FBXO16: variants seen among roughly 807,000 people sequenced by gnomAD.
The protein encoded by FBXO16 is F-box only protein 16.
FBXO16 carries 31 observed loss-of-function variants against 41.0 expected under a neutral mutation model. The observed-to-expected ratio is 0.76, with a 90% CI of 0.57 to 1.02. The LOEUF is 1.02. Ranked by LOEUF, FBXO16 falls within the 50% of genes least tolerant of loss-of-function variation. The pLI is 0.00. For synonymous variants in FBXO16, 133 were observed against 117.8 expected, an observed-to-expected ratio of 1.13 and a Z score of -0.84; for missense variants, 361 against 346.2, an observed-to-expected ratio of 1.04 and a Z score of -0.34.
intron 6 of FBXO16, among the ~76,000 whole-genome samples, chr8:28,449,882 G>T (rs1264542896): frequency 6.7e-6 from 1 of 149,498 alleles, no homozygotes; most frequent in Non-Finnish European, 1.5e-5. Context: ...TGAGGCAGGA[G>T]AATGGCTTGA....
rs564457153 is a variant in FBXO16 at position 28,447,235 on chromosome 8, C to T, written c.779G>A (p.Arg260Gln). The change falls in exon 7 of 9, where the codon CGA becomes CAA. Residue 260 changes from arginine to glutamine, a missense_variant. Transcript: ENST00000380254. ...KRNQMTPDFS[R>Q]QSHDKKNKLQ... ...TTTATTTTTCTTATCATGTGACTGT[C>T]GGCTGAAGTCTGGGGTCATTTGGTT... is the stretch of plus-strand genomic sequence containing the variant. 3.0e-5 allele frequency: 49 copies of T among 1,613,660 alleles called. No individual in the cohort carries two copies. The South Asian group carries it at 3.5e-4, about 12-fold the overall frequency.
chr8:28,486,535 T>C (rs1426071578), intron 1 of FBXO16, among the ~76,000 whole-genome samples: 1 of 152,120 alleles, frequency 6.6e-6, no homozygotes, highest in Non-Finnish European at 1.5e-5. Flanking sequence ...GCTACATTTC[T>C]TCTTTTAAAA....
intron 7 of FBXO16, among the ~76,000 whole-genome samples, chr8:28,432,624 T>C (rs1443642683): frequency 6.6e-6 from 1 of 152,228 alleles, no homozygotes; most frequent in Non-Finnish European, 1.5e-5. Flanking sequence ...ACGTTTGCTT[T>C]CACAAACGAC....
intron 8 of FBXO16, 21 bp downstream of exon 8, chr8:28,429,357 G>T: frequency 6.2e-7 from 1 of 1,613,496 alleles, no homozygotes; most frequent in Non-Finnish European, 8.5e-7. Flanking sequence ...GTCACAGGTT[G>T]ATATCACAAC....
chr8:28,445,851 G>A (rs1397009184), intron 7 of FBXO16, among the ~76,000 whole-genome samples: 1 of 151,776 alleles, frequency 6.6e-6, no homozygotes, highest in African/African-American at 2.4e-5. Context: ...TCCTGAGTAC[G>A]TACTTATTCC....
intron 6 of FBXO16, among the ~76,000 whole-genome samples, chr8:28,450,836 G>A (rs981123005): frequency 6.6e-5 from 10 of 152,124 alleles, no homozygotes; most frequent in African/African-American, 2.2e-4. Context: ...CAGCACTTTC[G>A]GAGGGCGAAG....
At chr8:28,477,315 C>A (rs1803438614) in intron 2 of FBXO16, among the ~76,000 whole-genome samples, 2 of 152,196 alleles carry the variant, frequency 1.3e-5, no homozygotes, top group South Asian at 2.1e-4. Context: ...CAAATGCCCT[C>A]ATTTAGAAGT....
chr8:28,440,565 C>T (rs60079176), intron 7 of FBXO16, among the ~76,000 whole-genome samples: 1,787 of 152,206 alleles, frequency 0.012, 41 homozygotes, highest in African/African-American at 0.041. Flanking sequence ...TGTGGTTCCC[C>T]CCCACCCCTT....
At chr8:28,478,399 C>T (rs1253723814) in intron 2 of FBXO16, among the ~76,000 whole-genome samples, 2 of 152,110 alleles carry the variant, frequency 1.3e-5, no homozygotes, top group Non-Finnish European at 2.9e-5. Context: ...GGTGGGTAGG[C>T]AGCTAGCAGC....
intron 7 of FBXO16, among the ~76,000 whole-genome samples, chr8:28,431,529 C>T (rs1248929119): frequency 2.6e-5 from 4 of 152,200 alleles, no homozygotes; most frequent in Admixed American, 1.3e-4. Flanking sequence ...GTTGGGGTCT[C>T]CAAAACCTTT....
intron 2 of FBXO16, among the ~76,000 whole-genome samples, chr8:28,478,592 G>C (rs1206671074): frequency 6.6e-6 from 1 of 152,162 alleles, no homozygotes; most frequent in African/African-American, 2.4e-5. Flanking sequence ...GGGAGGCCAA[G>C]GCCAGTGGAT....
intron 4 of FBXO16, among the ~76,000 whole-genome samples, chr8:28,458,515 C>A (rs1262269241): frequency 6.9e-6 from 1 of 145,572 alleles, no homozygotes; most frequent in Non-Finnish European, 1.5e-5. Flanking sequence ...TCTCTCAATT[C>A]TCATTCCTTT....
chr8:28,453,492 C>T (rs1452122285), intron 5 of FBXO16, among the ~76,000 whole-genome samples: 2 of 152,052 alleles, frequency 1.3e-5, no homozygotes, highest in African/African-American at 2.4e-5. Context: ...AAACTGAAAG[C>T]CTGTCTTGTG....
At position 28,445,402 on chromosome 8, in the gene FBXO16, C is replaced by T. The variant is rs551640055; in HGVS notation, c.843+1769G>A. ...GGCTTAGCTTTGGGTTTTGTGTTTT[C>T]GAAGCAGGAGAAATGTTTGACTGTG... is the stretch of plus-strand genomic sequence containing the variant. On this transcript the variant is annotated intron_variant, in intron 7 of 8. Transcript: ENST00000380254. 5.9e-5 allele frequency among the ~76,000 whole-genome samples: 9 copies of T among 152,256 alleles called. No individual in the cohort carries two copies. The South Asian group carries it at 8.3e-4, about 14-fold the overall frequency.
At chr8:28,449,466 C>G (rs1478062575) in intron 6 of FBXO16, among the ~76,000 whole-genome samples, 1 of 151,920 alleles carries the variant, frequency 6.6e-6, no homozygotes, top group Non-Finnish European at 1.5e-5. Flanking sequence ...GGACTACAGG[C>G]ATGCAACATC....
intron 1 of FBXO16, 22 bp downstream of exon 1, chr8:28,490,164 A>C (rs1393927910): frequency 6.6e-6 from 1 of 152,112 alleles, no homozygotes; most frequent in Non-Finnish European, 1.5e-5. Flanking sequence ...CATCTTTTTC[A>C]TGCACTGCCC....
At chr8:28,436,336 C>T (rs1300415695) in intron 7 of FBXO16, among the ~76,000 whole-genome samples, 5 of 152,204 alleles carry the variant, frequency 3.3e-5, no homozygotes, top group African/African-American at 9.6e-5. Flanking sequence ...CTTTGGCCAA[C>T]GCCTATGAGC....
At chr8:28,437,596 G>A (rs1395663910) in intron 7 of FBXO16, among the ~76,000 whole-genome samples, 1 of 152,206 alleles carries the variant, frequency 6.6e-6, no homozygotes, top group African/African-American at 2.4e-5. Context: ...ACACTGGCTA[G>A]GCGCCGTGAC....
chr8:28,474,364 GAAGAAAAGAAAAAATGAAAGAA>G (rs1372659077), intron 2 of FBXO16, among the ~76,000 whole-genome samples: 92 of 77,580 alleles, frequency 1.2e-3, no homozygotes, highest in African/African-American at 3.4e-3. Context: ...GAGAGAGAAA[GAAGAAAAGAAAAAATGAAAGAA>G]AAGAAAAGAA....
Sources: gnomAD v4.1 joint callset for allele counts (sites outside exome capture counted in the v4.1 genomes callset) on GRCh38, gnomAD v4.1.1 for gene constraint, MANE v1.5 for transcripts, NCBI Gene and HGNC (gene_info 2026-07-23, HGNC 2026-07-21) for gene names.